Variants in SETBP1 observed in about 807,000 individuals in gnomAD.
SETBP1 encodes the protein SET-binding protein.
A neutral mutation model predicts 101.0 loss-of-function variants in SETBP1; 9 were observed. That is an observed-to-expected ratio of 0.09 (90% CI 0.05 to 0.16). The LOEUF (loss-of-function observed/expected upper bound fraction) is 0.16. Ranked by LOEUF, SETBP1 falls within the 10% of genes least tolerant of loss-of-function variation. SETBP1 has a pLI of 1.00. For missense variants in SETBP1, 1,858 were observed against 2,033.8 expected (o/e 0.91, Z 1.66); for synonymous variants, 818 against 788.5 (o/e 1.04, Z -0.63).
intron 3 of SETBP1, among the ~76,000 whole-genome samples, chr18:44,890,710 A>G (rs2069748878): frequency 6.6e-6 from 1 of 152,174 alleles, no homozygotes; most frequent in Admixed American, 6.6e-5. Context: ...TTGTTGCTTA[A>G]AAAGTAATTT....
chr18:45,045,948 G>C (rs2073603955), intron 5 of SETBP1, among the ~76,000 whole-genome samples: 3 of 151,992 alleles, frequency 2.0e-5, no homozygotes, highest in Admixed American at 6.5e-5. Context: ...AATTCATGAT[G>C]CTTCTTCAAG....
chr18:45,028,603 C>T (rs368403284), intron 4 of SETBP1, among the ~76,000 whole-genome samples: 4 of 152,132 alleles, frequency 2.6e-5, no homozygotes, highest in African/African-American at 7.2e-5. Flanking sequence ...TCCACAAGGG[C>T]TGAACTAGTT....
intron 3 of SETBP1, among the ~76,000 whole-genome samples, chr18:44,891,196 G>A (rs1340194522): frequency 1.3e-5 from 2 of 152,030 alleles, no homozygotes; most frequent in Non-Finnish European, 2.9e-5. Flanking sequence ...ACACCAGCAT[G>A]AGAAAGGCCT....
At chr18:44,820,300 T>C (rs2072084116) in intron 2 of SETBP1, among the ~76,000 whole-genome samples, 1 of 152,182 alleles carries the variant, frequency 6.6e-6, no homozygotes, top group Non-Finnish European at 1.5e-5. Context: ...GGTTGGCAGG[T>C]GTAAATGTTC....
At chr18:44,848,084 TG>T (rs2072760296) in intron 2 of SETBP1, among the ~76,000 whole-genome samples, 1 of 151,548 alleles carries the variant, frequency 6.6e-6, no homozygotes, top group Non-Finnish European at 1.5e-5. Flanking sequence ...TGTGTGTGTG[TG>T]TGTGTGTGTG....
At chr18:45,030,242 G>T (rs2073263614) in intron 4 of SETBP1, among the ~76,000 whole-genome samples, 1 of 122,562 alleles carries the variant, frequency 8.2e-6, no homozygotes, top group Admixed American at 8.8e-5. Context: ...TTTTGTCAAA[G>T]GCCTTTTCTG....
At chr18:44,836,862 C>T (rs1245407648) in intron 2 of SETBP1, among the ~76,000 whole-genome samples, 1 of 152,146 alleles carries the variant, frequency 6.6e-6, no homozygotes, top group African/African-American at 2.4e-5. Flanking sequence ...GGAACAAGGA[C>T]ATCTTGTTAT....
At chr18:45,023,075 C>T (rs1180922121) in intron 4 of SETBP1, among the ~76,000 whole-genome samples, 1 of 152,100 alleles carries the variant, frequency 6.6e-6, no homozygotes, top group Non-Finnish European at 1.5e-5. Context: ...AGAGCTTATC[C>T]TCTTAACTGT....
At chr18:44,905,645 G>A (rs977434394) in intron 3 of SETBP1, among the ~76,000 whole-genome samples, 1 of 152,182 alleles carries the variant, frequency 6.6e-6, no homozygotes, top group African/African-American at 2.4e-5. Flanking sequence ...TGGGGATGTT[G>A]CAACAAGCCA....
At chr18:44,687,140 C>T (rs530594941) in intron 1 of SETBP1, among the ~76,000 whole-genome samples, 33 of 152,258 alleles carry the variant, frequency 2.2e-4, no homozygotes, top group African/African-American at 7.5e-4. Context: ...ACTAGTTGGC[C>T]TAAGAGGTCA....
chr18:44,713,601 G>T lies in SETBP1; in HGVS notation c.486+11769G>T, dbSNP rs994021104. Among the ~76,000 whole-genome samples, 3 of 152,064 alleles carry T rather than the reference G, an allele frequency of 2.0e-5. No individual in the cohort carries two copies. In the East Asian group the frequency reaches 5.8e-4, roughly 29 times the overall value. On this transcript the variant is annotated intron_variant, in intron 2 of 5. Coordinates refer to ENST00000649279, the MANE Select transcript of SETBP1 (RefSeq NM_015559.3). ...TGATCTGGCCCTGCATTATGCCAGG[G>T]TATTGTAACCTCCTCTGTTCTAGAC... is the stretch of plus-strand genomic sequence containing the variant.
intron 4 of SETBP1, among the ~76,000 whole-genome samples, chr18:44,992,124 G>T (rs1393487569): frequency 6.6e-6 from 1 of 152,102 alleles, no homozygotes; most frequent in African/African-American, 2.4e-5. Context: ...GAGAAATTTA[G>T]AAGTTTAAAG....
chr18:45,060,732 T>G (rs1457406143), intron 5 of SETBP1, among the ~76,000 whole-genome samples: 1 of 152,224 alleles, frequency 6.6e-6, no homozygotes, highest in African/African-American at 2.4e-5. Context: ...ATCTGCTATC[T>G]GCTAGGTTTC....
chr18:44,808,271 C>T (rs1414204340), intron 2 of SETBP1, among the ~76,000 whole-genome samples: 1 of 152,168 alleles, frequency 6.6e-6, no homozygotes, highest in Non-Finnish European at 1.5e-5. Flanking sequence ...ATCTACCCTC[C>T]TTCACATGTC....
intron 2 of SETBP1, among the ~76,000 whole-genome samples, chr18:44,707,162 G>A (rs1372809578): frequency 6.6e-6 from 1 of 152,180 alleles, no homozygotes; most frequent in African/African-American, 2.4e-5. Flanking sequence ...TAGACTCCAA[G>A]CAAATGTGTA....
intron 3 of SETBP1, among the ~76,000 whole-genome samples, chr18:44,929,128 G>A (rs1269471022): frequency 6.6e-6 from 1 of 152,172 alleles, no homozygotes. Context: ...GTAAGGGAGG[G>A]ATCCAGTTTC....
chr18:44,742,344 A>G (rs951731277), intron 2 of SETBP1, among the ~76,000 whole-genome samples: 1 of 152,118 alleles, frequency 6.6e-6, no homozygotes, highest in Non-Finnish European at 1.5e-5. Flanking sequence ...TGACCATCTC[A>G]GTCTGAGGTC....
intron 3 of SETBP1, among the ~76,000 whole-genome samples, chr18:44,895,689 A>G (rs898918484): frequency 2.0e-5 from 3 of 152,118 alleles, no homozygotes; most frequent in Non-Finnish European, 4.4e-5. Context: ...ATAAGTTACT[A>G]TCTTTTCTTC....
At chr18:44,787,879 A>AAAAAAAAAAAAAAAAAC in intron 2 of SETBP1, among the ~76,000 whole-genome samples, 1 of 130,480 alleles carries the variant, frequency 7.7e-6, no homozygotes, top group East Asian at 2.0e-4. Context: ...AAAAAAAAAA[A>AAAAAAAAAAAAAAAAAC]AGAAAATTGT....
Sources: allele counts gnomAD v4.1 joint callset (sites outside exome capture counted in the v4.1 genomes callset), GRCh38; gene constraint gnomAD v4.1.1; transcripts MANE v1.5; gene names NCBI Gene and HGNC (gene_info 2026-07-23, HGNC 2026-07-21).